The following COPS7B variants were observed in gnomAD, a reference collection of about 807,000 sequenced individuals.
COPS7B encodes the protein COP9 signalosome subunit 7B, also known as COP9 signalosome complex subunit 7b.
Under a neutral mutation model 33.4 loss-of-function variants are expected in COPS7B, and 9 were observed. That is an observed-to-expected ratio of 0.27 (90% CI 0.16 to 0.47). The LOEUF (loss-of-function observed/expected upper bound fraction) is 0.47, where lower values mean the gene tolerates loss of function less well. COPS7B is among the 20% of genes least tolerant of loss of function. The probability of loss-of-function intolerance (pLI) is 0.99; values close to 1 mark genes in which losing one functional copy is unlikely to be tolerated. For missense variants in COPS7B, 242 were observed against 318.2 expected, an observed-to-expected ratio of 0.76 and a Z score of 1.82; for synonymous variants, 119 against 126.3, an observed-to-expected ratio of 0.94 and a Z score of 0.39.
chr2:231,801,463 G>T (rs1328564511), intron 6 of COPS7B, among the ~76,000 whole-genome samples: 1 of 152,112 alleles, frequency 6.6e-6, no homozygotes, highest in Non-Finnish European at 1.5e-5. Flanking sequence ...TTGAGACAGA[G>T]TCTCTGTCAC....
intron 6 of COPS7B, chr2:231,801,346 A>T: frequency 6.9e-7 from 1 of 1,451,882 alleles, no homozygotes; most frequent in Non-Finnish European, 9.1e-7. Context: ...GGGGACCATT[A>T]TGAGCTGTTT....
chr2:231,791,477 A>G (rs1426874162), intron 2 of COPS7B: 1 of 482,372 alleles, frequency 2.1e-6, no homozygotes, highest in East Asian at 3.7e-5. Context: ...TGTGTGAGAG[A>G]AAAGCAGTTC....
intron 1 of COPS7B, among the ~76,000 whole-genome samples, 155 bp downstream of exon 1, chr2:231,786,693 C>A (rs1319949543): frequency 6.6e-6 from 1 of 152,216 alleles, no homozygotes; most frequent in East Asian, 1.9e-4. Context: ...TCCACGCCTG[C>A]GGCCCTGCTT....
chr2:231,799,725 A>C (rs1359082977), intron 6 of COPS7B, among the ~76,000 whole-genome samples: 1 of 152,168 alleles, frequency 6.6e-6, no homozygotes, highest in African/African-American at 2.4e-5. Context: ...TCTAGTGTGA[A>C]TGGAGTTTGA....
upstream of COPS7B, among the ~76,000 whole-genome samples, chr2:231,783,272 T>C (rs2049171239): frequency 6.6e-6 from 1 of 152,228 alleles, no homozygotes. Context: ...TTGTAGACAC[T>C]TGCACACATT....
intron 6 of COPS7B, among the ~76,000 whole-genome samples, chr2:231,800,398 A>T (rs1214179947): frequency 6.6e-6 from 1 of 152,220 alleles, no homozygotes; most frequent in Admixed American, 6.5e-5. Context: ...GGAAGGGCTA[A>T]CCGCTTTCTC....
intron 3 of COPS7B, chr2:231,792,428 A>T (rs1434796907): frequency 4.7e-6 from 1 of 214,966 alleles, no homozygotes; most frequent in African/African-American, 2.3e-5. Context: ...GGAGATAGAG[A>T]CTGTAGTAAG....
intron 2 of COPS7B, chr2:231,791,480 A>C (rs144791255): frequency 4.1e-6 from 2 of 486,988 alleles, no homozygotes. Context: ...GTGAGAGAAA[A>C]GCAGTTCGTT....
upstream of COPS7B, among the ~76,000 whole-genome samples, chr2:231,782,102 T>A (rs1285705420): frequency 2.6e-5 from 4 of 152,144 alleles, no homozygotes; most frequent in Non-Finnish European, 5.9e-5. Flanking sequence ...TTGTTACGTA[T>A]GAGGAAATTG....
intron 6 of COPS7B, among the ~76,000 whole-genome samples, chr2:231,801,616 AT>A (rs1194736581): frequency 1.4e-5 from 2 of 139,500 alleles, no homozygotes; most frequent in African/African-American, 2.7e-5. Flanking sequence ...CACCTGGCTG[AT>A]TTTTTTTCTT....
chr2:231,806,102 G>A (rs1439827517), intron 6 of COPS7B, among the ~76,000 whole-genome samples: 1 of 152,034 alleles, frequency 6.6e-6, no homozygotes, highest in Non-Finnish European at 1.5e-5. Context: ...TCTAGTTAAG[G>A]TGGATTCTGC....
upstream of COPS7B, chr2:231,786,323 C>A (rs1488327381): frequency 4.0e-6 from 2 of 494,694 alleles, no homozygotes; most frequent in Non-Finnish European, 5.2e-6. Context: ...CACTTCCCCA[C>A]CGGAGGTCGA....
chr2:231,793,339 G>C (rs1362402525), intron 3 of COPS7B, among the ~76,000 whole-genome samples: 1 of 152,188 alleles, frequency 6.6e-6, no homozygotes, highest in African/African-American at 2.4e-5. Flanking sequence ...CCCACCAGGT[G>C]AATTTCAGCA....
At chr2:231,781,749 G>A (rs2049136528), upstream of COPS7B, 2 of 1,318,250 alleles carry the variant, frequency 1.5e-6, no homozygotes, top group Non-Finnish European at 2.1e-6. Context: ...TCACAAACCC[G>A]CCCGCTGAGT....
At chr2:231,800,838 G>A (rs373167472) in intron 6 of COPS7B, among the ~76,000 whole-genome samples, 2 of 152,206 alleles carry the variant, frequency 1.3e-5, no homozygotes, top group Non-Finnish European at 2.9e-5. Flanking sequence ...TAGAAAATCT[G>A]AACCAGACCA....
At chr2:231,797,290 C>G (rs375636167) in intron 5 of COPS7B, among the ~76,000 whole-genome samples, 5 of 152,188 alleles carry the variant, frequency 3.3e-5, no homozygotes, top group Admixed American at 1.3e-4. Context: ...CTTTTACACC[C>G]CAGGACATGT....
chr2:231,798,287 C>T (rs1283223706), intron 5 of COPS7B, among the ~76,000 whole-genome samples: 193 of 113,908 alleles, frequency 1.7e-3, no homozygotes, highest in Admixed American at 8.1e-3. Context: ...GGCAGAGTTT[C>T]GCTCTGTCAC....
At chr2:231,795,416 T>TG (rs2049539675) in intron 4 of COPS7B, among the ~76,000 whole-genome samples, 1 of 152,212 alleles carries the variant, frequency 6.6e-6, no homozygotes. Context: ...TCTGATCTAA[T>TG]GGCACATTTC....
chr2:231,807,520 G>A lies in COPS7B; in HGVS notation c.670G>A (p.Ala224Thr), dbSNP rs756302127. The change falls in exon 7 of 7, where the codon GCA becomes ACA. Residue 224 changes from alanine (A) to threonine (T), a missense_variant. Ala to Thr is a moderately conservative substitution (Grantham distance 58). Coordinates refer to ENST00000350033, the MANE Select transcript of COPS7B (RefSeq NM_022730.4). Reference protein sequence around the residue: ...TNIKKTLKATASSSAQEMEQQ... With the variant: ...TNIKKTLKATTSSSAQEMEQQ... ...CATCAAGAAGACACTCAAAGCCACC[G>A]CATCCTCCTCGGCTCAGGAGATGGA... 5.0e-6 allele frequency: 8 copies of A among 1,613,342 alleles called. No homozygotes were observed. Among genetic ancestry groups the A allele is most frequent in the South Asian group, 1.1e-5 (1 of 90,946 alleles).
Sources: allele counts gnomAD v4.1 joint callset (sites outside exome capture counted in the v4.1 genomes callset), GRCh38; gene constraint gnomAD v4.1.1; transcripts MANE v1.5; gene names NCBI Gene and HGNC (gene_info 2026-07-23, HGNC 2026-07-21).